CLMP: variants seen among roughly 807,000 people sequenced by gnomAD.
CLMP encodes the protein CXADR like cell adhesion molecule.
CLMP carries 27 observed loss-of-function variants against 45.2 expected under a neutral mutation model. The ratio of observed to expected loss-of-function variants is 0.60; its 90% CI spans 0.44 to 0.82. CLMP has a LOEUF of 0.82. CLMP is among the 40% of genes least tolerant of loss of function. The pLI is 0.00. For missense variants in CLMP, 403 were observed against 448.4 expected (o/e 0.90, Z 0.91); for synonymous variants, 167 against 171.4 (o/e 0.97, Z 0.20).
intron 1 of CLMP, among the ~76,000 whole-genome samples, chr11:123,153,814 C>T (rs1209858263): frequency 1.3e-5 from 2 of 150,576 alleles, no homozygotes; most frequent in Non-Finnish European, 3.0e-5. Flanking sequence ...TTCTTAGTAG[C>T]TGGGACTACA....
At chr11:123,128,600 C>T (rs185685049) in intron 1 of CLMP, among the ~76,000 whole-genome samples, 218 of 152,162 alleles carry the variant, frequency 1.4e-3, no homozygotes, top group African/African-American at 4.8e-3. Context: ...GTAGAGGCTG[C>T]AGTGAGCTAT....
At chr11:123,161,670 G>A (rs922548793) in intron 1 of CLMP, among the ~76,000 whole-genome samples, 2 of 152,058 alleles carry the variant, frequency 1.3e-5, no homozygotes, top group African/African-American at 4.8e-5. Flanking sequence ...ACAAGATTCT[G>A]TCTCAAAATA....
At chr11:123,170,178 A>T (rs1393953899) in intron 1 of CLMP, among the ~76,000 whole-genome samples, 1 of 152,194 alleles carries the variant, frequency 6.6e-6, no homozygotes, top group Non-Finnish European at 1.5e-5. Flanking sequence ...TGGCAAGGAA[A>T]TATATTTGGG....
At chr11:123,075,418 G>A (rs777610766) in intron 5 of CLMP, among the ~76,000 whole-genome samples, 3 of 151,804 alleles carry the variant, frequency 2.0e-5, no homozygotes, top group Non-Finnish European at 4.4e-5. Flanking sequence ...AGGGAGTCTC[G>A]CTGTGTCCCC....
intron 2 of CLMP, among the ~76,000 whole-genome samples, chr11:123,095,312 T>G (rs568735): frequency 6.7e-6 from 1 of 148,478 alleles, no homozygotes; most frequent in Non-Finnish European, 1.5e-5. Flanking sequence ...TTTTTTTTTT[T>G]GAGACAGTCT....
intron 1 of CLMP, among the ~76,000 whole-genome samples, chr11:123,150,664 A>G (rs894393920): frequency 1.3e-5 from 2 of 152,094 alleles, no homozygotes; most frequent in African/African-American, 2.4e-5. Flanking sequence ...GAGAAAGTGG[A>G]TAGGAGGTAG....
At chr11:123,171,100 C>T (rs1861626894) in intron 1 of CLMP, among the ~76,000 whole-genome samples, 1 of 152,160 alleles carries the variant, frequency 6.6e-6, no homozygotes, top group South Asian at 2.1e-4. Context: ...CCCAGAGGGG[C>T]TAACCTCTGA....
intron 5 of CLMP, among the ~76,000 whole-genome samples, chr11:123,080,160 G>A (rs1225641733): frequency 6.6e-6 from 1 of 152,142 alleles, no homozygotes; most frequent in Non-Finnish European, 1.5e-5. Context: ...AGTGATCTAA[G>A]AGAGAGAGGA....
intron 5 of CLMP, among the ~76,000 whole-genome samples, chr11:123,081,665 G>A (rs1865805243): frequency 6.6e-6 from 1 of 152,090 alleles, no homozygotes; most frequent in Non-Finnish European, 1.5e-5. Flanking sequence ...AAGTCCAGGA[G>A]TTCAAGACCA....
rs546473459 is a variant in CLMP, at chr11:123,160,007, G to A, written c.28+34906C>T. Among the ~76,000 whole-genome samples the A allele has an allele frequency of 1.4e-4, 22 of 152,138 alleles. No homozygotes were observed. The South Asian group carries it at 1.5e-3, about 10-fold the overall frequency. Reference sequence around the variant, plus strand: ...TGTTTCAATAATCCCGGCTGGGTGCGGTGGCCCACGCCTGCAATCCCAGCA... The same window carrying A: ...TGTTTCAATAATCCCGGCTGGGTGCAGTGGCCCACGCCTGCAATCCCAGCA... On this transcript the variant is annotated intron_variant, in intron 1 of 6. Coordinates refer to ENST00000448775, the MANE Select transcript of CLMP (RefSeq NM_024769.5).
At chr11:123,103,401 T>G (rs1231075138) in intron 1 of CLMP, among the ~76,000 whole-genome samples, 5 of 152,178 alleles carry the variant, frequency 3.3e-5, no homozygotes, top group African/African-American at 1.2e-4. Context: ...AGTTGCCAAT[T>G]TAAGCCACTA....
chr11:123,140,616 C>T (rs1157735790), intron 1 of CLMP, among the ~76,000 whole-genome samples: 1 of 152,074 alleles, frequency 6.6e-6, no homozygotes, highest in South Asian at 2.1e-4. Context: ...CAAAGCTTTC[C>T]TCTCTTTCTC....
intron 2 of CLMP, among the ~76,000 whole-genome samples, chr11:123,085,819 C>G (rs1311338419): frequency 1.3e-5 from 2 of 150,226 alleles, no homozygotes; most frequent in African/African-American, 2.5e-5. Flanking sequence ...TCTTGTCGCC[C>G]GGTCTGGAGT....
chr11:123,164,496 G>T (rs1308452977), intron 1 of CLMP, among the ~76,000 whole-genome samples: 1 of 151,970 alleles, frequency 6.6e-6, no homozygotes, highest in Non-Finnish European at 1.5e-5. Context: ...TAGAGACAGG[G>T]TTTCGTCATG....
chr11:123,143,414 A>T (rs529459730), intron 1 of CLMP, among the ~76,000 whole-genome samples: 25 of 152,104 alleles, frequency 1.6e-4, no homozygotes, highest in African/African-American at 5.8e-4. Flanking sequence ...TGGGCTGTCA[A>T]TTCCATGATT....
chr11:123,112,963 C>T (rs562848781), intron 1 of CLMP, among the ~76,000 whole-genome samples: 7 of 151,978 alleles, frequency 4.6e-5, no homozygotes, highest in African/African-American at 9.6e-5. Flanking sequence ...TTAGTAGAGA[C>T]GGGGTTTCAC....
Position 123,073,790 on chromosome 11 carries a change from A to T in CLMP, c.822-16T>A. On this transcript the variant is annotated splice_polypyrimidine_tract_variant and intron_variant, in intron 6 of 6. Transcript: ENST00000448775. The stretch of plus-strand genomic sequence containing the variant: ...AGCATCTTCTCTGAAGAGAAAAAAC[A>T]GCAAAGATTAACACTGGCAGATCTG... 6.4e-7 allele frequency: 1 copy of T among 1,551,098 alleles called. No individual in the cohort carries two copies. The highest frequency in any genetic ancestry group is 8.7e-7 in the Non-Finnish European group (1 of 1,151,576).
At chr11:123,166,270 G>A (rs1565401758) in intron 1 of CLMP, among the ~76,000 whole-genome samples, 1 of 152,022 alleles carries the variant, frequency 6.6e-6, no homozygotes, top group East Asian at 1.9e-4. Flanking sequence ...ACATCCAGGT[G>A]CCTCTTCTCC....
At chr11:123,150,578 AAGGAAAGG>A (rs1333523279) in intron 1 of CLMP, among the ~76,000 whole-genome samples, 1 of 122,478 alleles carries the variant, frequency 8.2e-6, no homozygotes, top group African/African-American at 3.6e-5. Flanking sequence ...GGAAGGAAGG[AAGGAAAGG>A]AAGGAAGGAA....
Sources: gnomAD v4.1 joint callset for allele counts (sites outside exome capture counted in the v4.1 genomes callset) on GRCh38, gnomAD v4.1.1 for gene constraint, MANE v1.5 for transcripts, NCBI Gene and HGNC (gene_info 2026-07-23, HGNC 2026-07-21) for gene names.